Variants in PCDH9 observed in about 807,000 individuals in gnomAD.
PCDH9 encodes protocadherin 9.
A neutral mutation model predicts 70.6 loss-of-function variants in PCDH9; 24 were observed. The ratio of observed to expected loss-of-function variants is 0.34; its 90% CI spans 0.25 to 0.48. The LOEUF (loss-of-function observed/expected upper bound fraction) is 0.48. Among genes scored for constraint, PCDH9 ranks in the 20% least tolerant of loss-of-function variants. The pLI is 0.99. For synonymous variants in PCDH9, 562 were observed against 558.5 expected (o/e 1.01, Z -0.09); for missense variants, 1,281 against 1,503.6 (o/e 0.85, Z 2.45).
chr13:66,632,225 A>T (rs1160403923), intron 3 of PCDH9, among the ~76,000 whole-genome samples: 3 of 152,204 alleles, frequency 2.0e-5, no homozygotes, highest in African/African-American at 4.8e-5. Flanking sequence ...CACCGTACCC[A>T]TGTAAGTGTC....
chr13:66,610,799 A>T (rs1453194957), intron 4 of PCDH9, among the ~76,000 whole-genome samples: 1 of 152,178 alleles, frequency 6.6e-6, no homozygotes, highest in African/African-American at 2.4e-5. Context: ...TTTGAAAAAC[A>T]TTCTAATGAA....
At chr13:66,694,953 T>C (rs1374536862) in intron 3 of PCDH9, among the ~76,000 whole-genome samples, 1 of 151,282 alleles carries the variant, frequency 6.6e-6, no homozygotes, top group Non-Finnish European at 1.5e-5. Context: ...GCCCAGGCTG[T>C]AGTGCAGTGG....
At chr13:67,092,364 A>G (rs2086234796) in intron 2 of PCDH9, among the ~76,000 whole-genome samples, 1 of 151,942 alleles carries the variant, frequency 6.6e-6, no homozygotes, top group Non-Finnish European at 1.5e-5. Flanking sequence ...CTCAATATGT[A>G]GCAAAGCAAA....
intron 4 of PCDH9, among the ~76,000 whole-genome samples, chr13:66,431,712 C>A (rs760545972): frequency 2.0e-5 from 3 of 151,868 alleles, no homozygotes; most frequent in Non-Finnish European, 4.4e-5. Context: ...ATTTCAAAAC[C>A]AAGACACCCA....
At chr13:66,706,553 G>A (rs559633373) in intron 3 of PCDH9, among the ~76,000 whole-genome samples, 2 of 152,250 alleles carry the variant, frequency 1.3e-5, no homozygotes, top group African/African-American at 4.8e-5. Flanking sequence ...CTGCAGTAGT[G>A]GTAGTAGCAG....
intron 4 of PCDH9, among the ~76,000 whole-genome samples, chr13:66,438,848 T>C (rs926428597): frequency 2.6e-5 from 4 of 152,328 alleles, no homozygotes; most frequent in South Asian, 2.1e-4. Context: ...AGGGTTGTTA[T>C]AGCAGCAAGC....
intron 3 of PCDH9, among the ~76,000 whole-genome samples, chr13:66,738,175 T>TCCCTGACCCCTGAC (rs1470357974): frequency 1.3e-5 from 2 of 152,050 alleles, no homozygotes; most frequent in South Asian, 2.1e-4. Context: ...CTCAAGTGGG[T>TCCCTGACCCCTGAC]CCCTGACCCC....
At chr13:67,156,845 C>T (rs950189338) in intron 2 of PCDH9, among the ~76,000 whole-genome samples, 3 of 152,134 alleles carry the variant, frequency 2.0e-5, no homozygotes, top group Admixed American at 6.5e-5. Context: ...CCACAGCCTG[C>T]CGTCTGTATG....
intron 4 of PCDH9, among the ~76,000 whole-genome samples, chr13:66,447,480 T>C (rs1958117309): frequency 6.6e-6 from 1 of 152,106 alleles, no homozygotes; most frequent in Admixed American, 6.5e-5. Flanking sequence ...TTTACTTGTG[T>C]CTCTCTTTTT....
intron 2 of PCDH9, among the ~76,000 whole-genome samples, chr13:66,987,935 G>A (rs1411463206): frequency 1.3e-5 from 2 of 151,878 alleles, no homozygotes; most frequent in African/African-American, 4.8e-5. Context: ...GTCTTTGTCT[G>A]TTTCCCAGGC....
chr13:66,687,795 C>T (rs921350863), intron 3 of PCDH9, among the ~76,000 whole-genome samples: 2 of 152,092 alleles, frequency 1.3e-5, no homozygotes, highest in African/African-American at 4.8e-5. Context: ...GCAAAGTGCC[C>T]TCAACTGCTC....
chr13:66,404,351 A>G (rs1957243380), intron 4 of PCDH9, among the ~76,000 whole-genome samples: 2 of 152,188 alleles, frequency 1.3e-5, no homozygotes, highest in Non-Finnish European at 2.9e-5. Flanking sequence ...AGAGGCCAAC[A>G]TTTCCAAGAA....
chr13:66,751,133 T>G (rs2050229817), intron 3 of PCDH9, among the ~76,000 whole-genome samples: 1 of 152,188 alleles, frequency 6.6e-6, no homozygotes, highest in Non-Finnish European at 1.5e-5. Flanking sequence ...GGACTCTAAT[T>G]TTCCTTAGCA....
chr13:66,434,174 A>C (rs1017006964), intron 4 of PCDH9, among the ~76,000 whole-genome samples: 10 of 151,920 alleles, frequency 6.6e-5, no homozygotes, highest in Non-Finnish European at 1.0e-4. Flanking sequence ...ATCTGCAAGA[A>C]AGTCATATTT....
intron 4 of PCDH9, among the ~76,000 whole-genome samples, chr13:66,397,261 A>T (rs908520505): frequency 6.6e-6 from 1 of 152,028 alleles, no homozygotes; most frequent in South Asian, 2.1e-4. Flanking sequence ...TCTACAAAAA[A>T]ATTTAAAAGT....
intron 2 of PCDH9, among the ~76,000 whole-genome samples, chr13:67,191,163 A>C (rs948869990): frequency 2.0e-5 from 3 of 152,126 alleles, no homozygotes; most frequent in Admixed American, 6.6e-5. Flanking sequence ...CTGAGCTTAT[A>C]AGTTTTACTA....
At chr13:67,121,147 CT>C (rs2086871104) in intron 2 of PCDH9, among the ~76,000 whole-genome samples, 1 of 152,028 alleles carries the variant, frequency 6.6e-6, no homozygotes, top group South Asian at 2.1e-4. Flanking sequence ...ATCTTTTCAT[CT>C]TTTTCTGGAT....
intron 4 of PCDH9, among the ~76,000 whole-genome samples, chr13:66,403,695 T>C (rs1438829744): frequency 6.6e-6 from 1 of 152,128 alleles, no homozygotes; most frequent in Non-Finnish European, 1.5e-5. Context: ...AGGATCACTC[T>C]TTACCCATTA....
At chr13:66,330,309 T>C (rs1318880024) in intron 4 of PCDH9, among the ~76,000 whole-genome samples, 1 of 152,238 alleles carries the variant, frequency 6.6e-6, no homozygotes, top group Non-Finnish European at 1.5e-5. Context: ...GAATTGAAAG[T>C]AGAAGTGGGG....
Sources: gnomAD v4.1 joint callset for allele counts (sites outside exome capture counted in the v4.1 genomes callset) on GRCh38, gnomAD v4.1.1 for gene constraint, MANE v1.5 for transcripts, NCBI Gene and HGNC (gene_info 2026-07-23, HGNC 2026-07-21) for gene names.